ATXN10: variants seen among roughly 807,000 people sequenced by gnomAD.
The protein encoded by ATXN10 is ataxin-10.
ATXN10 carries 28 observed loss-of-function variants against 52.9 expected under a neutral mutation model. The observed-to-expected ratio is 0.53, with a 90% confidence interval of 0.39 to 0.73. The LOEUF is 0.73. Among genes scored for constraint, ATXN10 ranks in the 30% least tolerant of loss-of-function variants. ATXN10 has a pLI of 0.00. For synonymous variants in ATXN10, 226 were observed against 221.5 expected (o/e 1.02, Z -0.18); for missense variants, 565 against 577.0 (o/e 0.98, Z 0.21).
At position 45,734,570 on chromosome 22, in the gene ATXN10, TTTTG is replaced by T. The variant is rs376483506; in HGVS notation, c.895-4145_895-4142del. On this transcript the variant is annotated intron_variant, in intron 7 of 11. Coordinates refer to ENST00000252934, the MANE Select transcript of ATXN10 (RefSeq NM_013236.4). ...TTTGACAACTGACAGCCAAGAAGATTTTTGTTTGTTTGTTTGTTTTTTAAGTAAA... is the reference window on the plus strand; with the variant it reads ...TTTGACAACTGACAGCCAAGAAGATTTTTGTTTGTTTGTTTTTTAAGTAAA... Among the ~76,000 whole-genome samples, 449 of 151,658 alleles carry T rather than the reference TTTTG, an allele frequency of 3.0e-3. 2 individuals carry two copies. The highest frequency in any genetic ancestry group is 0.01 in the South Asian group (48 of 4,798).
At chr22:45,721,368 G>A (rs1924643646) in intron 6 of ATXN10, among the ~76,000 whole-genome samples, 1 of 152,124 alleles carries the variant, frequency 6.6e-6, no homozygotes, top group African/African-American at 2.4e-5. Flanking sequence ...TACTACTTTG[G>A]ATAGGTTAAT....
intron 7 of ATXN10, among the ~76,000 whole-genome samples, chr22:45,730,503 G>T (rs1474087464): frequency 6.6e-6 from 1 of 152,162 alleles, no homozygotes; most frequent in Admixed American, 6.5e-5. Context: ...GCACAATCTT[G>T]ACTCACTGCA....
At chr22:45,838,613 A>G (rs1191403670) in intron 10 of ATXN10, among the ~76,000 whole-genome samples, 1 of 152,132 alleles carries the variant, frequency 6.6e-6, no homozygotes, top group Non-Finnish European at 1.5e-5. Context: ...GTCCCTTTAG[A>G]GAGGGAACAA....
At chr22:45,731,466 T>A (rs1036378546) in intron 7 of ATXN10, among the ~76,000 whole-genome samples, 3 of 152,212 alleles carry the variant, frequency 2.0e-5, no homozygotes, top group African/African-American at 7.2e-5. Context: ...GCATGTATAT[T>A]ATACCTCAAT....
rs566374771 is a variant in ATXN10 at position 45,771,126 on chromosome 22, C to T, written c.1173+30588C>T. On this transcript the variant is annotated intron_variant, in intron 9 of 11. Transcript: ENST00000252934. ...CCCTGGAAAAGTGAAAAGAGGTTCA[C>T]ACAAAAACCTCTACACACAAATGTT... Among the ~76,000 whole-genome samples the T allele has an allele frequency of 2.1e-4, 32 of 152,296 alleles. 1 individual carries two copies. The South Asian group carries it at 2.9e-3, about 14-fold the overall frequency.
chr22:45,674,142 T>G, intron 1 of ATXN10: 1 of 151,710 alleles, frequency 6.6e-6, no homozygotes. Flanking sequence ...CTTTAAGGAG[T>G]GGTAGCGGAA....
intron 7 of ATXN10, among the ~76,000 whole-genome samples, chr22:45,737,707 T>TG (rs1925351196): frequency 6.8e-6 from 1 of 147,198 alleles, no homozygotes; most frequent in Non-Finnish European, 1.5e-5. Flanking sequence ...TTTTTTTTTT[T>TG]TTTTTGTTTG....
At chr22:45,742,743 C>T (rs947464176) in intron 9 of ATXN10, among the ~76,000 whole-genome samples, 3 of 152,166 alleles carry the variant, frequency 2.0e-5, no homozygotes, top group African/African-American at 4.8e-5. Context: ...TGAGACATGG[C>T]GCAGAACCAA....
intron 5 of ATXN10, among the ~76,000 whole-genome samples, chr22:45,713,962 CAT>C (rs1462052500): frequency 2.0e-5 from 3 of 152,188 alleles, no homozygotes; most frequent in Non-Finnish European, 4.4e-5. Flanking sequence ...CTTGGTTGCA[CAT>C]GTCATATCGC....
intron 1 of ATXN10, chr22:45,676,800 G>A (rs1922712519): frequency 6.6e-6 from 1 of 151,970 alleles, no homozygotes; most frequent in Non-Finnish European, 1.5e-5. Context: ...TTTTTTTAGA[G>A]ACAGGGTCTC....
At chr22:45,767,246 C>T (rs1926613850) in intron 9 of ATXN10, among the ~76,000 whole-genome samples, 1 of 152,064 alleles carries the variant, frequency 6.6e-6, no homozygotes, top group Admixed American at 6.6e-5. Context: ...AAATACAATG[C>T]ATTGTAAAAA....
At position 45,712,244 on chromosome 22, in the gene ATXN10, T is replaced by C. The variant is rs1038761462; in HGVS notation, c.648-6169T>C. On this transcript the variant is annotated intron_variant, in intron 5 of 11. Coordinates refer to ENST00000252934, the MANE Select transcript of ATXN10 (RefSeq NM_013236.4). The surrounding 1 kb of genome is among the most constrained non-coding windows in gnomAD (Gnocchi z 4.6). The stretch of plus-strand genomic sequence containing the variant: ...AAAAAGCTACCAGGTTTGGGCTCAT[T>C]CTTGAAGGAAAAAGAATTCTTGTTA... 3.3e-5 allele frequency among the ~76,000 whole-genome samples: 5 copies of C among 152,136 alleles called. No homozygotes were observed. Among genetic ancestry groups the C allele is most frequent in the Admixed American group, 6.6e-5 (1 of 15,264 alleles).
At chr22:45,748,701 A>G (rs1339526653) in intron 9 of ATXN10, among the ~76,000 whole-genome samples, 1 of 152,164 alleles carries the variant, frequency 6.6e-6, no homozygotes, top group Non-Finnish European at 1.5e-5. Context: ...ACCAAATCTC[A>G]GCTTATTGAT....
rs1285034086 is a variant in ATXN10 at position 45,828,966 on chromosome 22, A to G, written c.1238-14025A>G. ...TAGACAGAGACACTACAAGAAAACT[A>G]AAGACCAACATCCTTTATGAACATG... On this transcript the variant is annotated intron_variant, in intron 10 of 11. Coordinates refer to ENST00000252934, the MANE Select transcript of ATXN10 (RefSeq NM_013236.4). The surrounding 1 kb of genome is among the most constrained non-coding windows in gnomAD (Gnocchi z 4.5). 6.6e-6 allele frequency among the ~76,000 whole-genome samples: 1 copy of G among 152,214 alleles called. No individual in the cohort carries two copies. The highest frequency in any genetic ancestry group is 1.9e-4 in the East Asian group (1 of 5,200).
rs1194959888 is a variant in ATXN10, at chr22:45,786,285, A to C, written c.1174-20674A>C. Among the ~76,000 whole-genome samples, 1 of 152,210 alleles carries C rather than the reference A, an allele frequency of 6.6e-6. No homozygotes were observed. Among genetic ancestry groups the C allele is most frequent in the Admixed American group, 6.5e-5 (1 of 15,286 alleles). On this transcript the variant is annotated intron_variant, in intron 9 of 11. Coordinates refer to ENST00000252934, the MANE Select transcript of ATXN10 (RefSeq NM_013236.4). The surrounding 1 kb of genome is among the most constrained non-coding windows in gnomAD (Gnocchi z 4.1). ...TCTTTATTTTGTCACAAAAGCTTGG[A>C]GAATGCTACTCACTACTTTACCCTA...
chr22:45,699,130 T>G lies in ATXN10; in HGVS notation c.392-1152T>G, dbSNP rs192119394. Among the ~76,000 whole-genome samples, 133 of 152,322 alleles carry G rather than the reference T, an allele frequency of 8.7e-4. 1 individual carries two copies. Among genetic ancestry groups the G allele is most frequent in the Non-Finnish European group, 1.4e-3 (98 of 68,016 alleles). On this transcript the variant is annotated intron_variant, in intron 3 of 11. Coordinates refer to ENST00000252934, the MANE Select transcript of ATXN10 (RefSeq NM_013236.4). The stretch of plus-strand genomic sequence containing the variant: ...AGTTATTTTAATTGAGTTATTGGTG[T>G]TGTTTTTGGCCTTTATTCTTTCTTA...
At chr22:45,831,805 A>C (rs147524028) in intron 10 of ATXN10, among the ~76,000 whole-genome samples, 9 of 152,286 alleles carry the variant, frequency 5.9e-5, no homozygotes. Flanking sequence ...TCTCCCCCTC[A>C]TTGGCGAAAG....
chr22:45,720,596 A>G (rs1924612577), intron 6 of ATXN10, among the ~76,000 whole-genome samples: 1 of 152,186 alleles, frequency 6.6e-6, no homozygotes, highest in South Asian at 2.1e-4. Context: ...CATCTTGTGT[A>G]TCAGAAACTC....
chr22:45,838,325 C>G (rs1929233599), intron 10 of ATXN10, among the ~76,000 whole-genome samples: 1 of 152,172 alleles, frequency 6.6e-6, no homozygotes, highest in South Asian at 2.1e-4. Context: ...GTACAAGGTG[C>G]TTTACTGACG....
Sources: allele counts gnomAD v4.1 joint callset (sites outside exome capture counted in the v4.1 genomes callset), GRCh38; gene constraint gnomAD v4.1.1; non-coding constraint Gnocchi (gnomAD v3.1); transcripts MANE v1.5; gene names NCBI Gene and HGNC (gene_info 2026-07-23, HGNC 2026-07-21).